Variants in CALN1 observed in about 807,000 individuals in gnomAD.
CALN1 encodes the protein calneuron 1.
A neutral mutation model predicts 30.6 loss-of-function variants in CALN1; 17 were observed. The ratio of observed to expected loss-of-function variants is 0.56; its 90% CI spans 0.38 to 0.83. CALN1 has a LOEUF of 0.83. Among genes scored for constraint, CALN1 ranks in the 40% least tolerant of loss-of-function variants. The pLI is 0.00. For missense variants in CALN1, 291 were observed against 354.9 expected, an observed-to-expected ratio of 0.82 and a Z score of 1.45; for synonymous variants, 156 against 131.4, an observed-to-expected ratio of 1.19 and a Z score of -1.28.
intron 5 of CALN1, among the ~76,000 whole-genome samples, chr7:71,870,568 A>G (rs1025671368): frequency 1.3e-5 from 2 of 152,172 alleles, no homozygotes; most frequent in Non-Finnish European, 2.9e-5. Context: ...CTGTCTTTGA[A>G]TAGTAGAATT....
intron 5 of CALN1, among the ~76,000 whole-genome samples, chr7:71,989,917 A>G (rs1256420697): frequency 1.3e-5 from 2 of 152,172 alleles, no homozygotes; most frequent in Non-Finnish European, 2.9e-5. Flanking sequence ...AGATACTAGG[A>G]AAATAAAAAA....
At chr7:71,985,493 G>A (rs563353388) in intron 5 of CALN1, among the ~76,000 whole-genome samples, 2 of 150,548 alleles carry the variant, frequency 1.3e-5, no homozygotes, top group Admixed American at 6.6e-5. Flanking sequence ...TAAAAACAAA[G>A]AGAGAACAAC....
intron 4 of CALN1, among the ~76,000 whole-genome samples, chr7:72,081,666 C>A (rs929616903): frequency 2.0e-5 from 3 of 151,980 alleles, no homozygotes; most frequent in Non-Finnish European, 2.9e-5. Context: ...ACGTGATCCT[C>A]CTGTCTCAGC....
At chr7:72,052,475 CCTCA>C (rs5884873) in intron 4 of CALN1, among the ~76,000 whole-genome samples, 62,422 of 151,272 alleles carry the variant, frequency 0.41, 14,180 homozygotes, top group East Asian at 0.96. Context: ...ATGGTCTTGA[CCTCA>C]CTGACTACTG....
intron 3 of CALN1, among the ~76,000 whole-genome samples, chr7:72,233,723 G>A (rs576457236): frequency 6.6e-6 from 1 of 152,038 alleles, no homozygotes; most frequent in East Asian, 1.9e-4. Context: ...ACTAAATTAG[G>A]CCAGGCATGC....
At chr7:72,182,576 T>C (rs1475513295) in intron 3 of CALN1, among the ~76,000 whole-genome samples, 1 of 151,902 alleles carries the variant, frequency 6.6e-6, no homozygotes, top group Non-Finnish European at 1.5e-5. Flanking sequence ...AAAAATTAGT[T>C]AGACGTGGTG....
intron 3 of CALN1, among the ~76,000 whole-genome samples, chr7:72,146,341 CA>C (rs1237762163): frequency 3.9e-5 from 6 of 152,034 alleles, no homozygotes; most frequent in Non-Finnish European, 8.8e-5. Context: ...GACAGAGAGC[CA>C]AATCATGAGT....
chr7:72,308,283 G>C (rs369753156), intron 2 of CALN1, among the ~76,000 whole-genome samples: 40 of 148,542 alleles, frequency 2.7e-4, no homozygotes, highest in African/African-American at 9.9e-4. Context: ...AAGATCATTT[G>C]AACCAGGGAG....
chr7:71,851,545 C>CAT (rs1339406582), intron 5 of CALN1, among the ~76,000 whole-genome samples: 1 of 151,050 alleles, frequency 6.6e-6, no homozygotes, highest in Non-Finnish European at 1.5e-5. Context: ...TATATATATA[C>CAT]ATATATATAT....
In CALN1 at chr7:72,059,296, T is replaced by A. The variant is rs572863880; in HGVS notation, c.389-35527A>T. On this transcript the variant is annotated intron_variant, in intron 4 of 6. Transcript: ENST00000395275. ...CTTACCTGGTCTTCATTAGCAATGGTATGATAGGGATGGTATATTAAAGGA... is the reference window on the plus strand; with the variant it reads ...CTTACCTGGTCTTCATTAGCAATGGAATGATAGGGATGGTATATTAAAGGA... Among the ~76,000 whole-genome samples the A allele has an allele frequency of 1.5e-3, 221 of 152,286 alleles. 1 individual carries two copies. Among genetic ancestry groups the A allele is most frequent in the Admixed American group, 3.6e-3 (55 of 15,288 alleles).
intron 5 of CALN1, among the ~76,000 whole-genome samples, chr7:72,015,600 A>G (rs1294857742): frequency 6.6e-6 from 1 of 152,076 alleles, no homozygotes; most frequent in Admixed American, 6.6e-5. Context: ...CCACCACGCC[A>G]GGCTAATTTT....
At chr7:72,084,971 G>A (rs1052481111) in intron 4 of CALN1, among the ~76,000 whole-genome samples, 1 of 152,118 alleles carries the variant, frequency 6.6e-6, no homozygotes, top group Non-Finnish European at 1.5e-5. Context: ...TCACTCCTTT[G>A]TCCAGCATAT....
chr7:72,299,816 T>G (rs28537993), intron 2 of CALN1, among the ~76,000 whole-genome samples: 1 of 151,892 alleles, frequency 6.6e-6, no homozygotes, highest in African/African-American at 2.4e-5. Context: ...ATTACAGGCC[T>G]GAGCCAGCAT....
At chr7:72,196,964 C>G (rs774940991) in intron 3 of CALN1, among the ~76,000 whole-genome samples, 6 of 151,926 alleles carry the variant, frequency 3.9e-5, no homozygotes, top group Non-Finnish European at 8.8e-5. Flanking sequence ...TTTTTTGTTT[C>G]TTTAAATGAG....
intron 5 of CALN1, among the ~76,000 whole-genome samples, chr7:71,901,120 G>T (rs980210894): frequency 6.6e-6 from 1 of 151,964 alleles, no homozygotes; most frequent in South Asian, 2.1e-4. Context: ...AAATTATTTT[G>T]GGTGGTGAAG....
chr7:72,146,734 G>A (rs911636296), intron 3 of CALN1, among the ~76,000 whole-genome samples: 11 of 152,290 alleles, frequency 7.2e-5, no homozygotes, highest in African/African-American at 2.4e-4. Context: ...CAAGGCTACA[G>A]TAACCAAAAC....
intron 2 of CALN1, among the ~76,000 whole-genome samples, chr7:72,344,771 A>T (rs1477266333): frequency 1.4e-5 from 2 of 147,304 alleles, no homozygotes; most frequent in African/African-American, 4.9e-5. Context: ...TTTTTCGAAA[A>T]AATTTTCAAA....
chr7:72,097,330 G>C (rs6979774), intron 4 of CALN1, among the ~76,000 whole-genome samples: 1 of 152,020 alleles, frequency 6.6e-6, no homozygotes, highest in Admixed American at 6.6e-5. Context: ...TGAAAATGCA[G>C]AAATCAGTCA....
the CALN1 span, among the ~76,000 whole-genome samples, chr7:72,487,898 GAAAGAA>G: frequency 1.7e-5 from 1 of 60,170 alleles, no homozygotes; most frequent in Non-Finnish European, 3.1e-5. Context: ...AGAAAAGAAA[GAAAGAA>G]AGAAAGAAAG....
Sources: allele counts gnomAD v4.1 joint callset (sites outside exome capture counted in the v4.1 genomes callset), GRCh38; gene constraint gnomAD v4.1.1; transcripts MANE v1.5; gene names NCBI Gene and HGNC (gene_info 2026-07-23, HGNC 2026-07-21).